Variants in ANO1 observed in about 807,000 individuals in gnomAD.
The protein encoded by ANO1 is anoctamin 1, also known as anoctamin-1.
ANO1 carries 59 observed loss-of-function variants against 124.0 expected under a neutral mutation model. The ratio of observed to expected loss-of-function variants is 0.48; its 90% CI spans 0.39 to 0.59. The LOEUF (loss-of-function observed/expected upper bound fraction) is 0.59. Among genes scored for constraint, ANO1 ranks in the 20% least tolerant of loss-of-function variants. The pLI, the probability that ANO1 is intolerant of heterozygous loss-of-function variation, is 0.00. For missense variants in ANO1, 1,059 were observed against 1,328.0 expected, an observed-to-expected ratio of 0.80 and a Z score of 3.15; for synonymous variants, 529 against 532.0, an observed-to-expected ratio of 0.99 and a Z score of 0.08.
intron 24 of ANO1, among the ~76,000 whole-genome samples, chr11:70,184,010 A>T (rs2049019100): frequency 6.6e-6 from 1 of 152,142 alleles, no homozygotes; most frequent in Non-Finnish European, 1.5e-5. Flanking sequence ...AGCACCAGGG[A>T]TGTGGGTCCA....
chr11:70,038,975 GAGAAAGGTTATCTCTC>G (rs1226555464), intron 1 of ANO1, among the ~76,000 whole-genome samples: 2 of 152,118 alleles, frequency 1.3e-5, no homozygotes, highest in East Asian at 3.9e-4. Flanking sequence ...AAATGGAAGA[GAGAAAGGTTATCTCTC>G]AGGGAAAAAG....
intron 1 of ANO1, among the ~76,000 whole-genome samples, chr11:70,061,647 CTGTT>C (rs1857581105): frequency 1.3e-5 from 2 of 152,256 alleles, no homozygotes; most frequent in Admixed American, 6.5e-5. Context: ...CTGAGTTTCT[CTGTT>C]TGTTTTTTAA....
At chr11:70,187,351 C>T (rs1266977281) in intron 25 of ANO1, among the ~76,000 whole-genome samples, 4 of 152,182 alleles carry the variant, frequency 2.6e-5, no homozygotes, top group Non-Finnish European at 4.4e-5. Flanking sequence ...GACCCTGGGA[C>T]GCTTTGCAAA....
intron 1 of ANO1, among the ~76,000 whole-genome samples, chr11:70,080,992 C>T (rs2515282): frequency 0.21 from 32,436 of 152,170 alleles, 3,747 homozygotes; most frequent in South Asian, 0.35. Flanking sequence ...TCTGTACACA[C>T]GAGGGCCAGA....
chr11:70,020,387 C>T (rs978624970), intron 1 of ANO1, among the ~76,000 whole-genome samples: 14 of 152,178 alleles, frequency 9.2e-5, no homozygotes, highest in African/African-American at 3.4e-4. Context: ...CTGCACAGGA[C>T]ACTTATGCCA....
Position 70,019,243 on chromosome 11 carries a change from C to CCA in ANO1, c.58+33096_58+33097dup, listed in dbSNP as rs59812752. Among the ~76,000 whole-genome samples, 30 of 122,084 alleles carry CCA rather than the reference C, an allele frequency of 2.5e-4. 2 individuals are homozygous for CCA. The highest frequency in any genetic ancestry group is 3.6e-3 in the Middle Eastern group (1 of 276). 80.1% of individuals were successfully genotyped at this position (122,084 alleles called of 152,430 possible). On this transcript the variant is annotated intron_variant, in intron 1 of 27. Transcript: ENST00000531349. ...GCAGGGGAGGGAAAGAAGAACCCCCCCACACACACACACACACACATTCAC... is the reference window on the plus strand; with the variant it reads ...GCAGGGGAGGGAAAGAAGAACCCCCCCACACACACACACACACACACATTCAC...
chr11:69,976,073 C>T, the ANO1 span, among the ~76,000 whole-genome samples: 578 of 152,252 alleles, frequency 3.8e-3, 6 homozygotes, highest in African/African-American at 0.013. Flanking sequence ...TCACCTGGGC[C>T]GTGTCTCTGT....
chr11:70,108,290 C>A, intron 5 of ANO1, 63 bp from the exon 6 acceptor site: 1 of 1,511,678 alleles, frequency 6.6e-7, no homozygotes, highest in East Asian at 2.3e-5. Flanking sequence ...CCACAGCAGA[C>A]TGTTTCTGCT....
At chr11:70,095,914 AG>A (rs2044935303) in intron 2 of ANO1, among the ~76,000 whole-genome samples, 1 of 152,180 alleles carries the variant, frequency 6.6e-6, no homozygotes, top group Non-Finnish European at 1.5e-5. Flanking sequence ...TTTCCAAGTC[AG>A]CTATGTCATG....
chr11:70,014,544 AG>A (rs1286065489), intron 1 of ANO1, among the ~76,000 whole-genome samples: 18 of 152,194 alleles, frequency 1.2e-4, no homozygotes, highest in African/African-American at 4.1e-4. Flanking sequence ...TGGCCTGCCC[AG>A]GCTGCTGCTG....
At chr11:70,036,226 A>G (rs782317921) in intron 1 of ANO1, among the ~76,000 whole-genome samples, 5 of 152,192 alleles carry the variant, frequency 3.3e-5, no homozygotes, top group Non-Finnish European at 7.3e-5. Flanking sequence ...TGGTGACTCC[A>G]GGTGTCCCTT....
rs375335468 is a variant in ANO1 at position 70,163,298 on chromosome 11, G to A, written c.1908G>A (p.Pro636=). 145 of 1,613,766 alleles carry A rather than the reference G, an allele frequency of 9.0e-5. 1 individual carries two copies. The African/African-American group carries it at 1.5e-3, about 16-fold the overall frequency. The change falls in exon 19 of 26, where the codon CCG becomes CCA. Residue 636 remains proline, a synonymous_variant. Coordinates refer to ENST00000355303, the MANE Select transcript of ANO1 (RefSeq NM_018043.7). ...AFFKGRFVGR[P]GDYVYIFRSF... ...ATCGTTTCAGGTTTGTTGGACGCCC[G>A]GGCGACTACGTGTACATTTTCCGTT...
At chr11:70,015,674 G>A (rs533133414) in intron 1 of ANO1, 5 of 152,444 alleles carry the variant, frequency 3.3e-5, no homozygotes, top group South Asian at 2.1e-4. Flanking sequence ...CCTCTGTCTA[G>A]GGCACTGTGC....
chr11:70,174,824 C>A (rs1052591169), intron 22 of ANO1, among the ~76,000 whole-genome samples: 2 of 152,116 alleles, frequency 1.3e-5, no homozygotes, highest in African/African-American at 2.4e-5. Flanking sequence ...CCAGGTTCTC[C>A]CTGCAGTCCT....
chr11:70,052,531 C>CTTTTTTTTT lies in ANO1; in HGVS notation c.59-25981_59-25973dup, dbSNP rs200770702. On this transcript the variant is annotated intron_variant, in intron 1 of 27. Transcript: ENST00000531349. ...TTTGGGGAGAATTTCTTTTTCTTTT[C>CTTTTTTTTT]TTTTTTTTTTTTTTTTTTTTTTTTT... Among the ~76,000 whole-genome samples the CTTTTTTTTT allele has an allele frequency of 1.4e-3, 90 of 65,848 alleles. 10 individuals are homozygous for CTTTTTTTTT. Among genetic ancestry groups the CTTTTTTTTT allele is most frequent in the Admixed American group, 1.7e-3 (11 of 6,306 alleles). 43.2% of individuals were successfully genotyped at this position (65,848 alleles called of 152,430 possible).
At chr11:70,002,457 C>CAA (rs1856398907) in intron 1 of ANO1, among the ~76,000 whole-genome samples, 1 of 31,160 alleles carries the variant, frequency 3.2e-5, no homozygotes. Context: ...AAGCGAGACT[C>CAA]CACCAAAAAA....
At chr11:70,158,416 T>C (rs2047909197) in intron 16 of ANO1, among the ~76,000 whole-genome samples, 1 of 152,258 alleles carries the variant, frequency 6.6e-6, no homozygotes, top group Admixed American at 6.5e-5. Flanking sequence ...AGCTGTGCAC[T>C]GAGGGCCTCA....
At chr11:70,073,897 C>T (rs564554517), upstream of ANO1, among the ~76,000 whole-genome samples, 10 of 132,584 alleles carry the variant, frequency 7.5e-5, no homozygotes, top group Middle Eastern at 4.1e-3. Flanking sequence ...TTCTGAGCTT[C>T]GGCCGGCAGT....
At chr11:70,062,330 G>T (rs1857606026) in intron 1 of ANO1, among the ~76,000 whole-genome samples, 1 of 152,112 alleles carries the variant, frequency 6.6e-6, no homozygotes, top group African/African-American at 2.4e-5. Flanking sequence ...ATCCGCTTCG[G>T]CCTCCCGCAG....
Sources: allele counts gnomAD v4.1 joint callset (sites outside exome capture counted in the v4.1 genomes callset), GRCh38; gene constraint gnomAD v4.1.1; transcripts MANE v1.5; gene names NCBI Gene and HGNC (gene_info 2026-07-23, HGNC 2026-07-21).